Variants in CRPPA observed in about 807,000 individuals in gnomAD.
CRPPA encodes D-ribitol-5-phosphate cytidylyltransferase.
Under a neutral mutation model 52.0 loss-of-function variants are expected in CRPPA, and 43 were observed. The observed-to-expected ratio is 0.83, with a 90% CI of 0.65 to 1.07. The LOEUF is 1.07. Among genes scored for constraint, CRPPA ranks in the 50% least tolerant of loss-of-function variants. CRPPA has a pLI of 0.00. For missense variants in CRPPA, 629 were observed against 551.7 expected, an observed-to-expected ratio of 1.14 and a Z score of -1.40; for synonymous variants, 250 against 203.5, an observed-to-expected ratio of 1.23 and a Z score of -1.94.
intron 5 of CRPPA, among the ~76,000 whole-genome samples, chr7:16,287,367 C>T (rs1784472607): frequency 6.6e-6 from 1 of 152,108 alleles, no homozygotes; most frequent in African/African-American, 2.4e-5. Context: ...CTGAACTCTG[C>T]TTATGATTTC....
At chr7:16,397,144 T>C (rs1031165461) in intron 2 of CRPPA, among the ~76,000 whole-genome samples, 2 of 152,350 alleles carry the variant, frequency 1.3e-5, no homozygotes, top group East Asian at 3.9e-4. Context: ...GAGATGCGTG[T>C]CTGACACATT....
At chr7:16,392,739 T>C (rs1242572807) in intron 2 of CRPPA, among the ~76,000 whole-genome samples, 1 of 152,138 alleles carries the variant, frequency 6.6e-6, no homozygotes, top group East Asian at 1.9e-4. Context: ...CTCAATACTA[T>C]ATTCACTCAT....
intron 5 of CRPPA, among the ~76,000 whole-genome samples, chr7:16,293,754 C>A (rs1306599370): frequency 6.6e-6 from 1 of 151,942 alleles, no homozygotes; most frequent in Non-Finnish European, 1.5e-5. Flanking sequence ...GGCACATAGG[C>A]AGATTTTTAA....
chr7:16,271,586 G>T (rs898912790), intron 6 of CRPPA, among the ~76,000 whole-genome samples: 2 of 152,084 alleles, frequency 1.3e-5, no homozygotes, highest in Admixed American at 1.3e-4. Flanking sequence ...CCCCAATGAA[G>T]CTCTTTATGT....
At chr7:16,142,679 T>C (rs1322150093) in intron 9 of CRPPA, among the ~76,000 whole-genome samples, 3 of 152,208 alleles carry the variant, frequency 2.0e-5, no homozygotes, top group Non-Finnish European at 2.9e-5. Flanking sequence ...ATGCAACACC[T>C]AAACTGTAGT....
chr7:16,217,222 C>G (rs1224926195), intron 8 of CRPPA, among the ~76,000 whole-genome samples: 1 of 146,232 alleles, frequency 6.8e-6, no homozygotes, highest in Admixed American at 6.9e-5. Flanking sequence ...AGACCTGCAG[C>G]TGAGGGTCCT....
intron 5 of CRPPA, among the ~76,000 whole-genome samples, chr7:16,287,825 G>A (rs1784481287): frequency 6.6e-6 from 1 of 151,496 alleles, no homozygotes; most frequent in African/African-American, 2.4e-5. Context: ...GCAAGACTGA[G>A]GCATGAGAAT....
intron 8 of CRPPA, among the ~76,000 whole-genome samples, chr7:16,235,740 A>G (rs1782933085): frequency 2.0e-5 from 3 of 152,106 alleles, no homozygotes; most frequent in South Asian, 4.1e-4. Flanking sequence ...GCATTCTACT[A>G]AATGATTTTC....
intron 9 of CRPPA, among the ~76,000 whole-genome samples, chr7:16,098,775 G>C (rs1350772075): frequency 6.6e-6 from 1 of 152,144 alleles, no homozygotes; most frequent in Admixed American, 6.5e-5. Context: ...GGGGCACACT[G>C]TCCCCTAGTG....
intron 3 of CRPPA, among the ~76,000 whole-genome samples, chr7:16,314,139 C>A (rs1785093125): frequency 6.6e-6 from 1 of 151,606 alleles, no homozygotes; most frequent in South Asian, 2.1e-4. Flanking sequence ...CCTATCTCTT[C>A]TTGCAATTCT....
In CRPPA at chr7:16,090,814, G is replaced by A. The variant is rs1781822830; in HGVS notation, c.*881C>T. The stretch of plus-strand genomic sequence containing the variant: ...GGACACCCATAATTATAACATGCAA[G>A]GGAAAATATTAATATTTCAGATGTA... On this transcript the variant is annotated 3_prime_UTR_variant, in exon 10 of 10. Transcript: ENST00000407010. The A allele has an allele frequency of 6.6e-6, 1 of 152,070 alleles. No individual in the cohort carries two copies. Among genetic ancestry groups the A allele is most frequent in the Admixed American group, 6.6e-5 (1 of 15,260 alleles). 9.4% of individuals were successfully genotyped at this position (152,070 alleles called of 1,614,324 possible). A position where few individuals can be genotyped will look rare whatever the true frequency, so the allele number is the denominator to read the frequency against.
At chr7:16,306,898 T>C (rs942066506) in intron 4 of CRPPA, among the ~76,000 whole-genome samples, 3 of 152,160 alleles carry the variant, frequency 2.0e-5, no homozygotes, top group African/African-American at 7.2e-5. Flanking sequence ...TGCATAAAAT[T>C]TCTTTACCGC....
chr7:16,118,715 C>T (rs1200139677), intron 9 of CRPPA, among the ~76,000 whole-genome samples: 1 of 152,152 alleles, frequency 6.6e-6, no homozygotes, highest in East Asian at 1.9e-4. Flanking sequence ...TGACTGGAAA[C>T]AAAGTTTCCC....
At chr7:16,314,460 A>C (rs1010411669) in intron 3 of CRPPA, among the ~76,000 whole-genome samples, 1 of 152,032 alleles carries the variant, frequency 6.6e-6, no homozygotes, top group Non-Finnish European at 1.5e-5. Flanking sequence ...GTTTTGAACA[A>C]AGTTACCTGT....
At chr7:16,193,229 TA>T (rs1781653517) in intron 9 of CRPPA, among the ~76,000 whole-genome samples, 1 of 152,182 alleles carries the variant, frequency 6.6e-6, no homozygotes, top group Non-Finnish European at 1.5e-5. Flanking sequence ...TTCATACTTT[TA>T]AGTATAGAGA....
intron 5 of CRPPA, among the ~76,000 whole-genome samples, chr7:16,283,070 A>G (rs1562606357): frequency 6.6e-6 from 1 of 151,982 alleles, no homozygotes; most frequent in Non-Finnish European, 1.5e-5. Flanking sequence ...TTTTTGTCCA[A>G]AAGTGATTCT....
intron 5 of CRPPA, among the ~76,000 whole-genome samples, chr7:16,291,504 G>C (rs1378157511): frequency 6.6e-6 from 1 of 151,900 alleles, no homozygotes; most frequent in Admixed American, 6.6e-5. Context: ...AATATTGCAT[G>C]TTGTCACTCA....
At chr7:16,244,171 C>T (rs1249595099) in intron 8 of CRPPA, among the ~76,000 whole-genome samples, 1 of 151,540 alleles carries the variant, frequency 6.6e-6, no homozygotes, top group Non-Finnish European at 1.5e-5. Context: ...AAAATTTGTT[C>T]CCTTCTGTAA....
intron 2 of CRPPA, among the ~76,000 whole-genome samples, chr7:16,393,493 A>G (rs1787493053): frequency 3.9e-5 from 6 of 152,268 alleles, no homozygotes; most frequent in Middle Eastern, 3.4e-3. Context: ...AAAGGGGATA[A>G]TTATTCAATA....
Sources: gnomAD v4.1 joint callset for allele counts (sites outside exome capture counted in the v4.1 genomes callset) on GRCh38, gnomAD v4.1.1 for gene constraint, MANE v1.5 for transcripts, NCBI Gene and HGNC (gene_info 2026-07-23, HGNC 2026-07-21) for gene names.